FLI1: variants seen among roughly 807,000 people sequenced by gnomAD.
The protein encoded by FLI1 is Friend leukemia integration 1 transcription factor.
FLI1 carries 13 observed loss-of-function variants against 53.1 expected under a neutral mutation model. That is an observed-to-expected ratio of 0.24 (90% CI 0.16 to 0.39). The LOEUF (loss-of-function observed/expected upper bound fraction) is 0.39, where lower values mean the gene tolerates loss of function less well. Among genes scored for constraint, FLI1 ranks in the 10% least tolerant of loss-of-function variants. The pLI, the probability that FLI1 is intolerant of heterozygous loss-of-function variation, is 1.00. For synonymous variants in FLI1, 244 were observed against 236.7 expected (o/e 1.03, Z -0.28); for missense variants, 424 against 600.5 (o/e 0.71, Z 3.07).
intron 7 of FLI1, 95 bp from the exon 8 acceptor site, chr11:128,809,062 A>G: frequency 1.1e-6 from 1 of 948,178 alleles, no homozygotes; most frequent in South Asian, 1.6e-5. Context: ...GTGATCTTGA[A>G]ATAAAAGTAT....
chr11:128,766,506 G>A (rs1941345347), intron 2 of FLI1, among the ~76,000 whole-genome samples: 1 of 152,054 alleles, frequency 6.6e-6, no homozygotes, highest in Non-Finnish European at 1.5e-5. Context: ...TATCTCAGTG[G>A]AGCATTTATC....
At chr11:128,731,450 T>G (rs937984526) in intron 1 of FLI1, among the ~76,000 whole-genome samples, 1 of 149,008 alleles carries the variant, frequency 6.7e-6, no homozygotes, top group African/African-American at 2.5e-5. Flanking sequence ...AGGTCAAGTA[T>G]GAAAGGGTGG....
intron 1 of FLI1, among the ~76,000 whole-genome samples, chr11:128,739,039 A>G (rs935605795): frequency 2.0e-5 from 3 of 152,248 alleles, no homozygotes; most frequent in Non-Finnish European, 4.4e-5. Context: ...AGAGAACCTC[A>G]AAAGATCATG....
chr11:128,730,100 G>T (rs1245641328), intron 1 of FLI1, among the ~76,000 whole-genome samples: 1 of 152,178 alleles, frequency 6.6e-6, no homozygotes, highest in Non-Finnish European at 1.5e-5. Flanking sequence ...CGAAAATCTT[G>T]AAATCTGGAT....
intron 8 of FLI1, among the ~76,000 whole-genome samples, chr11:128,809,773 C>T (rs111273691): frequency 1.3e-4 from 20 of 152,160 alleles, no homozygotes; most frequent in South Asian, 2.1e-4. Context: ...AGGCCCTTGT[C>T]GCAGTGTGGC....
chr11:128,801,175 T>C (rs773378146), intron 5 of FLI1, among the ~76,000 whole-genome samples: 3 of 152,200 alleles, frequency 2.0e-5, no homozygotes, highest in Non-Finnish European at 4.4e-5. Context: ...CCATGCACGC[T>C]CAGGCTTCTT....
intron 1 of FLI1, among the ~76,000 whole-genome samples, chr11:128,713,660 G>A (rs1938883413): frequency 6.6e-6 from 1 of 152,012 alleles, no homozygotes; most frequent in Non-Finnish European, 1.5e-5. Flanking sequence ...TAAGTGCAAA[G>A]GGTTCTATGA....
intron 1 of FLI1, among the ~76,000 whole-genome samples, chr11:128,695,033 G>T (rs1937989284): frequency 6.6e-6 from 1 of 151,454 alleles, no homozygotes; most frequent in Non-Finnish European, 1.5e-5. Context: ...CTAGGCGTGC[G>T]CCGGCTCCAG....
At chr11:128,757,233 C>G (rs558301186) in intron 1 of FLI1, among the ~76,000 whole-genome samples, 1 of 152,190 alleles carries the variant, frequency 6.6e-6, no homozygotes, top group East Asian at 1.9e-4. Context: ...AGGCATGAGC[C>G]ACCATGCCTG....
chr11:128,803,384 C>T (rs902931676), intron 5 of FLI1, among the ~76,000 whole-genome samples: 4 of 152,192 alleles, frequency 2.6e-5, no homozygotes, highest in African/African-American at 9.7e-5. Flanking sequence ...CCTCTCTCCT[C>T]TCCCTCCACA....
chr11:128,736,177 C>A (rs1281948309), intron 1 of FLI1, among the ~76,000 whole-genome samples: 2 of 152,078 alleles, frequency 1.3e-5, no homozygotes, highest in Non-Finnish European at 2.9e-5. Context: ...CCCTCCACCC[C>A]CGCCCAGCAT....
chr11:128,714,022 G>A (rs1938900512), intron 1 of FLI1, among the ~76,000 whole-genome samples: 1 of 152,066 alleles, frequency 6.6e-6, no homozygotes, highest in Admixed American at 6.6e-5. Flanking sequence ...ACCTTAGAAG[G>A]CATTATCAGA....
At chr11:128,768,440 G>A (rs1323758809) in intron 3 of FLI1, 168 bp downstream of exon 3, 29 of 728,624 alleles carry the variant, frequency 4.0e-5, no homozygotes, top group Non-Finnish European at 5.6e-5. Flanking sequence ...CCAGCACTTT[G>A]AGAGGCCAAG....
intron 1 of FLI1, among the ~76,000 whole-genome samples, chr11:128,713,532 A>C (rs1938874989): frequency 6.6e-6 from 1 of 151,990 alleles, no homozygotes; most frequent in Non-Finnish European, 1.5e-5. Context: ...GTATTAATTG[A>C]GCTGCTTCTA....
At chr11:128,785,390 G>A (rs905198340) in intron 5 of FLI1, among the ~76,000 whole-genome samples, 9 of 151,490 alleles carry the variant, frequency 5.9e-5, no homozygotes, top group African/African-American at 2.2e-4. Flanking sequence ...CAAAGAAAGT[G>A]GGGTTCAGCA....
At chr11:128,764,678 C>A (rs1295167816) in intron 2 of FLI1, 4 of 1,537,512 alleles carry the variant, frequency 2.6e-6, no homozygotes, top group Admixed American at 2.0e-5. Flanking sequence ...AAAGAGCAGC[C>A]TTTTATGCTG....
At chr11:128,759,089 G>T (rs1475467418) in intron 2 of FLI1, among the ~76,000 whole-genome samples, 2 of 152,254 alleles carry the variant, frequency 1.3e-5, no homozygotes, top group African/African-American at 4.8e-5. Context: ...CTCAGGGAAA[G>T]GACCTGGGAT....
At chr11:128,737,143 T>C (rs75601390) in intron 1 of FLI1, among the ~76,000 whole-genome samples, 8,549 of 152,224 alleles carry the variant, frequency 0.056, 775 homozygotes, top group African/African-American at 0.2. Context: ...CTGAGTTTGT[T>C]GAATCCAGCT....
At chr11:128,737,369 T>C (rs545172730) in intron 1 of FLI1, among the ~76,000 whole-genome samples, 24 of 152,128 alleles carry the variant, frequency 1.6e-4, no homozygotes, top group Non-Finnish European at 3.1e-4. Context: ...TAGACACATA[T>C]GGGGCATGCG....
Sources: allele counts gnomAD v4.1 joint callset (sites outside exome capture counted in the v4.1 genomes callset), GRCh38; gene constraint gnomAD v4.1.1; transcripts MANE v1.5; gene names NCBI Gene and HGNC (gene_info 2026-07-23, HGNC 2026-07-21).